The following PRRC2C variants were observed in gnomAD, a reference collection of about 807,000 sequenced individuals.
PRRC2C encodes the protein proline rich coiled-coil 2C, also known as protein PRRC2C.
A neutral mutation model predicts 317.2 loss-of-function variants in PRRC2C; 72 were observed. That is an observed-to-expected ratio of 0.23 (90% CI 0.19 to 0.28). The LOEUF (loss-of-function observed/expected upper bound fraction) is 0.28. PRRC2C is among the 10% of genes least tolerant of loss of function. PRRC2C has a pLI of 1.00. For synonymous variants in PRRC2C, 1,296 were observed against 1,205.9 expected (o/e 1.07, Z -1.55); for missense variants, 3,074 against 3,459.7 (o/e 0.89, Z 2.80).
chr1:171,498,805 G>A (rs987159138), intron 1 of PRRC2C, among the ~76,000 whole-genome samples: 2 of 152,136 alleles, frequency 1.3e-5, no homozygotes, highest in African/African-American at 4.8e-5. Flanking sequence ...CTTCTACTGG[G>A]CTTTCTTTTT....
intron 1 of PRRC2C, among the ~76,000 whole-genome samples, chr1:171,500,892 A>T (rs759771009): frequency 6.6e-6 from 1 of 151,942 alleles, no homozygotes; most frequent in African/African-American, 2.4e-5. Context: ...GCAGATGCAC[A>T]TGTCTTGTTT....
chr1:171,513,527 A>G, intron 3 of PRRC2C: 3 of 448,822 alleles, frequency 6.7e-6, no homozygotes, highest in South Asian at 3.2e-5. Context: ...CTGTCTGCCA[A>G]TTTACTGTGT....
chr1:171,567,457 C>G (rs1428098220), intron 22 of PRRC2C, among the ~76,000 whole-genome samples: 5 of 152,164 alleles, frequency 3.3e-5, no homozygotes, highest in Non-Finnish European at 7.4e-5. Flanking sequence ...AAGTTACATG[C>G]AATTTTTTAT....
chr1:171,537,213 G>A (rs994202623), intron 14 of PRRC2C, 50 bp from the exon 15 acceptor site: 10 of 1,387,158 alleles, frequency 7.2e-6, no homozygotes, highest in East Asian at 2.5e-5. Flanking sequence ...GTTTTGTTTC[G>A]TTCATTTTTC....
intron 1 of PRRC2C, among the ~76,000 whole-genome samples, chr1:171,494,485 T>C (rs1667750140): frequency 6.6e-6 from 1 of 152,192 alleles, no homozygotes; most frequent in Admixed American, 6.5e-5. Flanking sequence ...TATTTGACCT[T>C]AGAATTACTA....
chr1:171,571,234 C>A, intron 23 of PRRC2C, 86 bp from the exon 24 acceptor site: 1 of 695,118 alleles, frequency 1.4e-6, no homozygotes, highest in Non-Finnish European at 2.5e-6. Context: ...TAAACACTAC[C>A]CTTAGAACAC....
intron 11 of PRRC2C, among the ~76,000 whole-genome samples, chr1:171,528,538 A>G (rs980378039): frequency 6.6e-5 from 10 of 151,818 alleles, no homozygotes; most frequent in African/African-American, 9.7e-5. Context: ...TGATCCGCCC[A>G]CCTTGGCCTC....
In PRRC2C at chr1:171,541,733, C is replaced by A; in HGVS notation, c.4267C>A (p.Arg1423=). Residue 1423 remains arginine, a synonymous_variant, in exon 16 of 35, where the codon CGA becomes AGA. Transcript: ENST00000647382. The surrounding 1 kb of genome is among the most constrained non-coding windows in gnomAD (Gnocchi z 4.1). ...RKFDPARERP[R]RQRPTRPPRQ... is the part of the protein sequence containing the mutation. Reference sequence around the variant, plus strand: ...ATTTGACCCAGCTAGAGAAAGGCCTCGAAGGCAGCGTCCTACTCGACCACC... The same window carrying A: ...ATTTGACCCAGCTAGAGAAAGGCCTAGAAGGCAGCGTCCTACTCGACCACC... The A allele has an allele frequency of 6.2e-7, 1 of 1,613,872 alleles. No homozygotes were observed. The highest frequency in any genetic ancestry group is 8.5e-7 in the Non-Finnish European group (1 of 1,179,860).
chr1:171,591,153 A>G (rs1651328284), intron 34 of PRRC2C: 1 of 987,902 alleles, frequency 1.0e-6, no homozygotes, highest in African/African-American at 1.7e-5. Flanking sequence ...CCCCTGCAGA[A>G]GAGAGCTGTG....
intron 4 of PRRC2C, among the ~76,000 whole-genome samples, chr1:171,515,528 T>A (rs1406401732): frequency 1.3e-5 from 2 of 152,242 alleles, no homozygotes; most frequent in Non-Finnish European, 2.9e-5. Flanking sequence ...GGTAGATTAC[T>A]GTCTTAGACT....
chr1:171,585,574 GTTC>G (rs1208214079), intron 30 of PRRC2C, among the ~76,000 whole-genome samples: 1 of 152,048 alleles, frequency 6.6e-6, no homozygotes, highest in Non-Finnish European at 1.5e-5. Context: ...AGAGATTCTT[GTTC>G]TTCTCATAGC....
At chr1:171,524,258 T>C (rs1674144302) in intron 9 of PRRC2C, among the ~76,000 whole-genome samples, 1 of 152,188 alleles carries the variant, frequency 6.6e-6, no homozygotes, top group African/African-American at 2.4e-5. Context: ...TTATTTCTTT[T>C]TCCTTCATTC....
rs573350810 is a variant in PRRC2C, at chr1:171,575,637, C to T, written c.6955+509C>T. ...GTGCCCAAAGTTAGAAGGTGCTTTT[C>T]TTGCTCTTTTTCCTTAGATTTTCTT... On this transcript the variant is annotated intron_variant, in intron 25 of 34. Transcript: ENST00000647382. Among the ~76,000 whole-genome samples, 28 of 152,204 alleles carry T rather than the reference C, an allele frequency of 1.8e-4. 1 individual carries two copies. In the South Asian group the frequency reaches 5.6e-3, roughly 30 times the overall value.
rs754603093 is a variant in PRRC2C at position 171,577,547 on chromosome 1, G to A, written c.7069G>A (p.Ala2357Thr). The change falls in exon 26 of 35, where the codon GCA becomes ACA. Residue 2357 changes from alanine to threonine, a missense_variant. Coordinates refer to ENST00000647382, the MANE Select transcript of PRRC2C (RefSeq NM_001387844.1). ...QQLQTSSLPS[A>T]SHFSQLSCMP... Reference sequence around the variant, plus strand: ...GTTACAGACAAGCAGCCTGCCTTCTGCAAGTCATTTTTCACAGTTAAGCTG... The same window carrying A: ...GTTACAGACAAGCAGCCTGCCTTCTACAAGTCATTTTTCACAGTTAAGCTG... 9 of 1,613,664 alleles carry A rather than the reference G, an allele frequency of 5.6e-6. No homozygotes were observed. In the East Asian group the frequency reaches 2.0e-4, roughly 36 times the overall value.
chr1:171,568,782 A>T (rs1468336144), intron 23 of PRRC2C, among the ~76,000 whole-genome samples: 1 of 152,166 alleles, frequency 6.6e-6, no homozygotes, highest in Non-Finnish European at 1.5e-5. Context: ...AGAATCAAGT[A>T]TGTCTTTAAA....
chr1:171,505,564 C>G (rs1211759225), intron 1 of PRRC2C, among the ~76,000 whole-genome samples: 1 of 151,508 alleles, frequency 6.6e-6, no homozygotes, highest in Non-Finnish European at 1.5e-5. Flanking sequence ...TTTGTTGTTT[C>G]TTTCTTATTT....
At position 171,577,767 on chromosome 1, in the gene PRRC2C, T is replaced by G. The variant is rs920399041; in HGVS notation, c.7159+130T>G. The stretch of plus-strand genomic sequence containing the variant: ...AGTACATTGCTGTAAATATTTAAAT[T>G]CGCATTTTTTTTTTTTTTTTTTTTT... On this transcript the variant is annotated intron_variant, in intron 26 of 34. Transcript: ENST00000647382. The G allele has an allele frequency of 2.9e-4, 178 of 615,732 alleles. 2 individuals carry two copies. Among genetic ancestry groups the G allele is most frequent in the Non-Finnish European group, 3.3e-4 (132 of 399,582 alleles). 38.1% of individuals were successfully genotyped at this position (615,732 alleles called of 1,614,324 possible).
intron 33 of PRRC2C, among the ~76,000 whole-genome samples, chr1:171,589,045 G>T (rs190738192): frequency 3.7e-4 from 56 of 152,288 alleles, no homozygotes; most frequent in African/African-American, 1.3e-3. Context: ...TTTGTTACAG[G>T]TGTGTGCCTT....
At chr1:171,522,399 T>C (rs142306510) in intron 7 of PRRC2C, 140 bp downstream of exon 7, 139 of 461,126 alleles carry the variant, frequency 3.0e-4, no homozygotes, top group African/African-American at 2.3e-3. Context: ...TAGTAAATAA[T>C]TGGCTAACTC....
Sources: gnomAD v4.1 joint callset for allele counts (sites outside exome capture counted in the v4.1 genomes callset) on GRCh38, gnomAD v4.1.1 for gene constraint, Gnocchi (gnomAD v3.1) non-coding constraint, MANE v1.5 for transcripts, NCBI Gene and HGNC (gene_info 2026-07-23, HGNC 2026-07-21) for gene names.